Variants in IPO13 observed in about 807,000 individuals in gnomAD.
IPO13 encodes importin 13.
In IPO13, 28 loss-of-function variants were observed where a neutral mutation model predicts 115.5. The ratio of observed to expected loss-of-function variants is 0.24; its 90% CI spans 0.18 to 0.33. The LOEUF is 0.33. IPO13 is among the 10% of genes least tolerant of loss of function. The pLI, the probability that IPO13 is intolerant of heterozygous loss-of-function variation, is 1.00. For missense variants in IPO13, 785 were observed against 1,204.6 expected (o/e 0.65, Z 5.16); for synonymous variants, 414 against 478.9 (o/e 0.86, Z 1.77).
In IPO13 at chr1:43,958,314, A is replaced by C; in HGVS notation, c.1749+46A>C. ...GGGGTCTCCTTGGAGGTCTTGTGGG[A>C]ATCACTTATCCCTGAAATCCTGTTT... is the stretch of plus-strand genomic sequence containing the variant. On this transcript the variant is annotated intron_variant, in intron 9 of 19. Transcript: ENST00000372343. The surrounding 1 kb of genome is among the most constrained non-coding windows in gnomAD (Gnocchi z 6.3). 1 of 1,612,780 alleles carries C rather than the reference A, an allele frequency of 6.2e-7. No individual in the cohort carries two copies. The highest frequency in any genetic ancestry group is 8.5e-7 in the Non-Finnish European group (1 of 1,178,816).
chr1:43,966,561 TC>T lies in IPO13; in HGVS notation c.2398-12del. 1 of 1,613,724 alleles carries T rather than the reference TC, an allele frequency of 6.2e-7. No individual in the cohort carries two copies. Among genetic ancestry groups the T allele is most frequent in the Non-Finnish European group, 8.5e-7 (1 of 1,179,764 alleles). Reference sequence around the variant, plus strand: ...GCTGGCTGGGGCTGGGCTTACCAGCTCCACCTCCTGCAGGCTCTGAAGCGGA... The same window carrying T: ...GCTGGCTGGGGCTGGGCTTACCAGCTCACCTCCTGCAGGCTCTGAAGCGGA... On this transcript the variant is annotated splice_polypyrimidine_tract_variant and intron_variant, in intron 15 of 19. Transcript: ENST00000372343. The surrounding 1 kb of genome is among the most constrained non-coding windows in gnomAD (Gnocchi z 4.1).
At chr1:43,957,054 G>A (rs1258560318) in intron 5 of IPO13, 78 bp downstream of exon 5, 3 of 1,570,758 alleles carry the variant, frequency 1.9e-6, no homozygotes, top group Non-Finnish European at 2.6e-6. Flanking sequence ...CCAAGTCCAG[G>A]CTTTCTGAAT....
chr1:43,966,772 G>A lies in IPO13; in HGVS notation c.2513G>A (p.Cys838Tyr), dbSNP rs1200794757. 2 of 1,614,042 alleles carry A rather than the reference G, an allele frequency of 1.2e-6. No individual in the cohort carries two copies. The highest frequency in any genetic ancestry group is 8.5e-7 in the Non-Finnish European group (1 of 1,180,026). The stretch of plus-strand genomic sequence containing the variant: ...GAGGCACCTACTGTCAAGGCCTCCT[G>A]TGGCTTCTTTGTGAGTCCCATGCTG... ...FPEAPTVKASCGFFTELLPRC... is the reference protein window; with the variant it reads ...FPEAPTVKASYGFFTELLPRC... Residue 838 changes from cysteine to tyrosine, a missense_variant, in exon 17 of 20, where the codon TGT (cysteine) becomes TAT (tyrosine). Transcript: ENST00000372343. This position sits in a 1 kb window ranked among gnomAD's most constrained non-coding sequence, Gnocchi z 4.1.
Position 43,967,201 on chromosome 1 carries a change from T to G in IPO13, c.2614-114T>G. Reference sequence around the variant, plus strand: ...TCAGCTGGCTCTCAAAAAGCAGCGCTCACTGTGATGTGCAGTTTGGCTTAG... The same window carrying G: ...TCAGCTGGCTCTCAAAAAGCAGCGCGCACTGTGATGTGCAGTTTGGCTTAG... On this transcript the variant is annotated intron_variant, in intron 18 of 19. Coordinates refer to ENST00000372343, the MANE Select transcript of IPO13 (RefSeq NM_014652.4). This position sits in a 1 kb window ranked among gnomAD's most constrained non-coding sequence, Gnocchi z 6.1. The G allele has an allele frequency of 3.3e-6, 4 of 1,219,832 alleles. No homozygotes were observed. The highest frequency in any genetic ancestry group is 4.7e-6 in the Non-Finnish European group (4 of 842,538). The allele number at this position is 1,219,832 out of a possible 1,614,324, so 75.6% of individuals were successfully genotyped here.
At position 43,958,606 on chromosome 1, in the gene IPO13, T is replaced by C. The variant is rs767007395; in HGVS notation, c.1884+11T>C. ...CTGGCAGAGGAGATAGTGAGTGAGCTCTGGGGGCCAGGGAGCGGTACTGAG... is the reference window on the plus strand; with the variant it reads ...CTGGCAGAGGAGATAGTGAGTGAGCCCTGGGGGCCAGGGAGCGGTACTGAG... On this transcript the variant is annotated intron_variant, in intron 10 of 19. Coordinates refer to ENST00000372343, the MANE Select transcript of IPO13 (RefSeq NM_014652.4). This position sits in a 1 kb window ranked among gnomAD's most constrained non-coding sequence, Gnocchi z 6.3. 1.9e-6 allele frequency: 3 copies of C among 1,614,052 alleles called. No homozygotes were observed. The highest frequency in any genetic ancestry group is 1.7e-5 in the Admixed American group (1 of 60,022).
rs751916171 is a variant in IPO13, at chr1:43,949,978, A to G, written c.646A>G (p.Ser216Gly). ...EQLLQQPSSP[S>G]CVRQKVLKCF... ...GCTGCTACAGCAGCCCAGCTCACCC[A>G]GCTGTGTGCGTCAGAAGGTGCTCAA... Residue 216 changes from serine to glycine, a missense_variant, in exon 2 of 20, where the codon AGC (serine) becomes GGC (glycine). Around this residue, in one of 3 missense-constraint regions of IPO13, gnomAD observed 325 missense variants for 449.8 expected, o/e 0.72. Transcript: ENST00000372343. The G allele has an allele frequency of 1.2e-6, 2 of 1,611,994 alleles. No individual in the cohort carries two copies.
chr1:43,964,767 G>A (rs902091768), intron 15 of IPO13, among the ~76,000 whole-genome samples: 1 of 152,304 alleles, frequency 6.6e-6, no homozygotes, highest in East Asian at 1.9e-4. Context: ...CCAAAGCGAG[G>A]GGCTGAAGAG....
rs200393495 is a variant in IPO13 at position 43,958,749 on chromosome 1, A to G, written c.1888A>G (p.Asn630Asp). The G allele has an allele frequency of 6.2e-7, 1 of 1,614,110 alleles. No homozygotes were observed. Among genetic ancestry groups the G allele is most frequent in the Non-Finnish European group, 8.5e-7 (1 of 1,180,008 alleles). Reference protein sequence around the residue: ...QLEKLAEEIPNPSNKLAIVHI... With the variant: ...QLEKLAEEIPDPSNKLAIVHI... ...CTTGGTTTGCTTCTCCCTGCAGCCC[A>G]ATCCCTCCAACAAGCTGGCCATTGT... The change falls in exon 11 of 20, where the codon AAT (asparagine) becomes GAT (aspartate). Residue 630 changes from asparagine to aspartate, a missense_variant. This residue lies in a region of IPO13 where 175 missense variants were observed against 360.0 expected (regional missense o/e 0.49). Coordinates refer to ENST00000372343, the MANE Select transcript of IPO13 (RefSeq NM_014652.4). This position sits in a 1 kb window ranked among gnomAD's most constrained non-coding sequence, Gnocchi z 6.3.
At position 43,958,287 on chromosome 1, in the gene IPO13, T is replaced by C. The variant is rs1237476107; in HGVS notation, c.1749+19T>C. On this transcript the variant is annotated intron_variant, in intron 9 of 19. Transcript: ENST00000372343. The surrounding 1 kb of genome is among the most constrained non-coding windows in gnomAD (Gnocchi z 6.3). ...CCACAAGGTGCGGCTCAAAAGTTTC[T>C]AGGGGTCTCCTTGGAGGTCTTGTGG... 2.5e-6 allele frequency: 4 copies of C among 1,614,116 alleles called. No homozygotes were observed. The Admixed American group carries it at 6.7e-5, about 27-fold the overall frequency.
intron 14 of IPO13, among the ~76,000 whole-genome samples, chr1:43,963,475 C>G (rs1043003999): frequency 1.3e-5 from 2 of 152,208 alleles, no homozygotes; most frequent in African/African-American, 4.8e-5. Context: ...TCTTGTTTCC[C>G]TGTTTCTTGG....
chr1:43,963,658 C>T (rs2085304066), intron 14 of IPO13, among the ~76,000 whole-genome samples: 1 of 152,210 alleles, frequency 6.6e-6, no homozygotes, highest in African/African-American at 2.4e-5. Flanking sequence ...GCATGCTGGG[C>T]ACTGCCCTAC....
chr1:43,965,759 A>C (rs984673474), intron 15 of IPO13, among the ~76,000 whole-genome samples: 4 of 143,004 alleles, frequency 2.8e-5, no homozygotes, highest in African/African-American at 1.0e-4. Flanking sequence ...GCACATGAGT[A>C]AACATGGGGG....
At position 43,949,893 on chromosome 1, in the gene IPO13, A is replaced by T; in HGVS notation, c.561A>T (p.Lys187Asn). Residue 187 changes from lysine to asparagine, a missense_variant, in exon 2 of 20, where the codon AAA (lysine) becomes AAT (asparagine). Lys to Asn is a moderately conservative substitution (Grantham distance 94). Transcript: ENST00000372343. ...CCAGTCGCCTACCCCAGTACCGCAA[A>T]GGCCTGGTGCGGACCAGCCTGGCGG... ...FQTSRLPQYRKGLVRTSLAVE... is the reference protein window; with the variant it reads ...FQTSRLPQYRNGLVRTSLAVE... 1 of 1,611,570 alleles carries T rather than the reference A, an allele frequency of 6.2e-7. No individual in the cohort carries two copies. Among genetic ancestry groups the T allele is most frequent in the East Asian group, 2.2e-5 (1 of 44,850 alleles).
chr1:43,955,624 C>T (rs1232803854), intron 2 of IPO13, among the ~76,000 whole-genome samples: 1 of 152,194 alleles, frequency 6.6e-6, no homozygotes, highest in African/African-American at 2.4e-5. Flanking sequence ...TCTCTGTCTT[C>T]ACATAGATAT....
rs1255080234 is a variant in IPO13 at position 43,957,244 on chromosome 1, G to A, written c.1321G>A (p.Glu441Lys). 1.2e-6 allele frequency: 2 copies of A among 1,614,070 alleles called. No homozygotes were observed. The highest frequency in any genetic ancestry group is 1.7e-6 in the Non-Finnish European group (2 of 1,180,002). ...LMYVYEMLGA[E>K]LLSNLYDKLG... ...GTATGTCTATGAGATGTTGGGGGCCGAGCTGCTCAGCAACCTCTATGACAA... is the reference window on the plus strand; with the variant it reads ...GTATGTCTATGAGATGTTGGGGGCCAAGCTGCTCAGCAACCTCTATGACAA... Residue 441 changes from glutamate to lysine, a missense_variant, in exon 6 of 20, where the codon GAG (glutamate) becomes AAG (lysine). Around this residue, in one of 3 missense-constraint regions of IPO13, gnomAD observed 175 missense variants for 360.0 expected, o/e 0.49. Coordinates refer to ENST00000372343, the MANE Select transcript of IPO13 (RefSeq NM_014652.4).
In IPO13 at chr1:43,956,696, C is replaced by G. The variant is rs751613838; in HGVS notation, c.1099C>G (p.Leu367Val). The change falls in exon 4 of 20, where the codon CTG (leucine) becomes GTG (valine). Residue 367 changes from leucine (L) to valine (V), a missense_variant. This residue lies in a region of IPO13 where 175 missense variants were observed against 360.0 expected (regional missense o/e 0.49). Transcript: ENST00000372343. The surrounding 1 kb of genome is among the most constrained non-coding windows in gnomAD (Gnocchi z 4.7). ...CCTAACCCTCACCTTCTGGTACACACTGCAGGTGTGTCTGTGTGACCTCCA... is the reference window on the plus strand; with the variant it reads ...CCTAACCCTCACCTTCTGGTACACAGTGCAGGTGTGTCTGTGTGACCTCCA... ...SSLTLTFWYT[L>V]QDDILSFEAE... The G allele has an allele frequency of 2.5e-6, 4 of 1,614,238 alleles. No individual in the cohort carries two copies. The highest frequency in any genetic ancestry group is 2.5e-6 in the Non-Finnish European group (3 of 1,180,050).
At chr1:43,957,002 A>C in intron 5 of IPO13, 26 bp downstream of exon 5, 1 of 1,609,492 alleles carries the variant, frequency 6.2e-7, no homozygotes, top group Non-Finnish European at 8.5e-7. Context: ...CAACTCCTCT[A>C]AAATGGAGTC....
At position 43,952,179 on chromosome 1, in the gene IPO13, A is replaced by G. The variant is rs959298847; in HGVS notation, c.821+2026A>G. 2.0e-5 allele frequency among the ~76,000 whole-genome samples: 3 copies of G among 151,982 alleles called. No homozygotes were observed. The highest frequency in any genetic ancestry group is 7.3e-5 in the African/African-American group (3 of 41,350). On this transcript the variant is annotated intron_variant, in intron 2 of 19. Coordinates refer to ENST00000372343, the MANE Select transcript of IPO13 (RefSeq NM_014652.4). This position sits in a 1 kb window ranked among gnomAD's most constrained non-coding sequence, Gnocchi z 4.7. The stretch of plus-strand genomic sequence containing the variant: ...ATCAGTTAATGGTAATTGTTTATTT[A>G]TTTATTTTGAGACAGAGTCTCACTC...
In IPO13 at chr1:43,956,708, C is replaced by T. The variant is rs774449812; in HGVS notation, c.1104+7C>T. On this transcript the variant is annotated splice_region_variant and intron_variant, in intron 4 of 19. Coordinates refer to ENST00000372343, the MANE Select transcript of IPO13 (RefSeq NM_014652.4). The surrounding 1 kb of genome is among the most constrained non-coding windows in gnomAD (Gnocchi z 4.7). ...CTTCTGGTACACACTGCAGGTGTGT[C>T]TGTGTGACCTCCAGTAGGACTGGGC... The T allele has an allele frequency of 6.2e-7, 1 of 1,614,206 alleles. No individual in the cohort carries two copies. Among genetic ancestry groups the T allele is most frequent in the South Asian group, 1.1e-5 (1 of 91,078 alleles).
Sources: allele counts gnomAD v4.1 joint callset (sites outside exome capture counted in the v4.1 genomes callset), GRCh38; gene constraint gnomAD v4.1.1; regional missense constraint gnomAD v4.1.1; non-coding constraint Gnocchi (gnomAD v3.1); transcripts MANE v1.5; gene names NCBI Gene and HGNC (gene_info 2026-07-23, HGNC 2026-07-21).